Variants in ABCA13 observed in about 807,000 individuals in gnomAD.
The protein encoded by ABCA13 is ATP-binding cassette sub-family A member 13.
A neutral mutation model predicts 478.7 loss-of-function variants in ABCA13; 476 were observed. The ratio of observed to expected loss-of-function variants is 0.99; its 90% CI spans 0.92 to 1.07. ABCA13 has a LOEUF of 1.07. ABCA13 is among the 50% of genes least tolerant of loss of function. The pLI is 0.00. For synonymous variants in ABCA13, 2,252 were observed against 2,158.9 expected, an observed-to-expected ratio of 1.04 and a Z score of -1.20; for missense variants, 6,060 against 5,910.6, an observed-to-expected ratio of 1.03 and a Z score of -0.83.
intron 29 of ABCA13, among the ~76,000 whole-genome samples, chr7:48,340,785 A>G (rs536624563): frequency 2.1e-4 from 32 of 152,294 alleles, no homozygotes; most frequent in African/African-American, 7.5e-4. Flanking sequence ...CTATTCAAAA[A>G]TTAAGATTAT....
At chr7:48,642,493 A>T (rs1795165035) in intron 59 of ABCA13, among the ~76,000 whole-genome samples, 1 of 152,234 alleles carries the variant, frequency 6.6e-6, no homozygotes, top group Non-Finnish European at 1.5e-5. Context: ...CTTAGAAAAG[A>T]TGCTTCAGTG....
intron 43 of ABCA13, among the ~76,000 whole-genome samples, chr7:48,456,825 A>G (rs573498686): frequency 8.6e-5 from 13 of 151,520 alleles, no homozygotes; most frequent in Middle Eastern, 3.4e-3. Context: ...TTTTCCTATT[A>G]TAGGCAATGC....
At position 48,526,225 on chromosome 7, in the gene ABCA13, G is replaced by A. The variant is rs78461999; in HGVS notation, c.14244+1785G>A. Among the ~76,000 whole-genome samples, 654 of 145,936 alleles carry A rather than the reference G, an allele frequency of 4.5e-3. 6 individuals are homozygous for A. The highest frequency in any genetic ancestry group is 8.0e-3 in the South Asian group (38 of 4,776). ...AGCCTCAGGGGAGAAGGAGGGGCCG[G>A]AGACAGCAGGGCAGGAAAAGGTCAG... On this transcript the variant is annotated intron_variant, in intron 54 of 61. Transcript: ENST00000435803.
intron 1 of ABCA13, among the ~76,000 whole-genome samples, chr7:48,192,535 A>G (rs1460846895): frequency 3.3e-5 from 5 of 152,224 alleles, no homozygotes; most frequent in African/African-American, 9.6e-5. Flanking sequence ...ATATGCATAA[A>G]ATGAAGGTAA....
intron 1 of ABCA13, among the ~76,000 whole-genome samples, chr7:48,177,261 A>C (rs1264053136): frequency 6.6e-6 from 1 of 152,232 alleles, no homozygotes; most frequent in Admixed American, 6.5e-5. Context: ...TTACTAAGGG[A>C]ATCAGCAGAT....
Position 48,245,495 on chromosome 7 carries a change from A to G in ABCA13, c.1391-17A>G, listed in dbSNP as rs1791527680. ...ACTTACCTTAGGTGAATAATAATCA[A>G]TTTGTCTACTTTGCAGAAGTCCTCA... On this transcript the variant is annotated splice_polypyrimidine_tract_variant and intron_variant, in intron 11 of 61. Coordinates refer to ENST00000435803, the MANE Select transcript of ABCA13 (RefSeq NM_152701.5). 2.5e-6 allele frequency: 4 copies of G among 1,595,054 alleles called. No individual in the cohort carries two copies. Among genetic ancestry groups the G allele is most frequent in the Non-Finnish European group, 3.4e-6 (4 of 1,170,006 alleles).
rs1269354600 is a variant in ABCA13 at position 48,389,206 on chromosome 7, G to A, written c.11640G>A (p.Gly3880=). The A allele has an allele frequency of 6.2e-7, 1 of 1,613,420 alleles. No homozygotes were observed. Among genetic ancestry groups the A allele is most frequent in the Non-Finnish European group, 8.5e-7 (1 of 1,179,606 alleles). Residue 3880 remains glycine (G), a synonymous_variant, in exon 37 of 62, where the codon GGG becomes GGA. Coordinates refer to ENST00000435803, the MANE Select transcript of ABCA13 (RefSeq NM_152701.5). The part of the protein sequence containing the change: ...ITALLGTNGA[G]KTTIISMLTG... ...CCCTGCTGGGGACAAACGGTGCCGG[G>A]AAAACCACTATCATGTGGGTCCCAT... is the stretch of plus-strand genomic sequence containing the variant.
intron 15 of ABCA13, among the ~76,000 whole-genome samples, chr7:48,250,969 C>T (rs747035441): frequency 2.0e-4 from 30 of 152,248 alleles, no homozygotes; most frequent in Non-Finnish European, 3.7e-4. Context: ...GTGGCTATTA[C>T]GACCTTGCCT....
chr7:48,514,055 A>C (rs367860344), intron 51 of ABCA13, among the ~76,000 whole-genome samples: 29 of 152,226 alleles, frequency 1.9e-4, no homozygotes, highest in African/African-American at 6.0e-4. Flanking sequence ...CTAGATACAG[A>C]TCCTGAACCA....
At chr7:48,383,244 T>C (rs1814669131) in intron 35 of ABCA13, among the ~76,000 whole-genome samples, 1 of 152,246 alleles carries the variant, frequency 6.6e-6, no homozygotes, top group Non-Finnish European at 1.5e-5. Context: ...CCTGACATTG[T>C]TGCAGTTGTC....
intron 55 of ABCA13, among the ~76,000 whole-genome samples, chr7:48,566,846 A>G (rs1787119830): frequency 6.6e-6 from 1 of 152,190 alleles, no homozygotes; most frequent in African/African-American, 2.4e-5. Flanking sequence ...AAATCACAGT[A>G]CAGTTTGACT....
At chr7:48,515,565 A>G (rs778865007) in intron 51 of ABCA13, among the ~76,000 whole-genome samples, 45 of 152,322 alleles carry the variant, frequency 3.0e-4, no homozygotes, top group Admixed American at 1.1e-3. Flanking sequence ...TTGGGGCCAC[A>G]TGGAAATGAA....
intron 48 of ABCA13, among the ~76,000 whole-genome samples, chr7:48,505,411 G>A (rs1831115038): frequency 6.6e-6 from 1 of 152,062 alleles, no homozygotes; most frequent in African/African-American, 2.4e-5. Flanking sequence ...AAGCAGTGCC[G>A]ATAAGATAAT....
At chr7:48,439,493 G>C (rs1823292897) in intron 42 of ABCA13, among the ~76,000 whole-genome samples, 1 of 152,104 alleles carries the variant, frequency 6.6e-6, no homozygotes, top group Non-Finnish European at 1.5e-5. Context: ...AACCGAAAGA[G>C]AAAATAATGT....
Position 48,643,335 on chromosome 7 carries a change from A to G in ABCA13, c.14885A>G (p.Asn4962Ser). 1 of 1,613,588 alleles carries G rather than the reference A, an allele frequency of 6.2e-7. No individual in the cohort carries two copies. Reference sequence around the variant, plus strand: ...AAAGTTTGGCTCTGTAAGGAAGCAAATCAACATTGCACTGTTTCTGACCAC... The same window carrying G: ...AAAGTTTGGCTCTGTAAGGAAGCAAGTCAACATTGCACTGTTTCTGACCAC... ...TVKVWLCKEANQHCTVSDHLK... is the reference protein window; with the variant it reads ...TVKVWLCKEASQHCTVSDHLK... The change falls in exon 60 of 62, where the codon AAT becomes AGT. Residue 4962 changes from asparagine (N) to serine (S), a missense_variant. By Grantham distance (46) the Asn-to-Ser change is conservative. Coordinates refer to ENST00000435803, the MANE Select transcript of ABCA13 (RefSeq NM_152701.5).
At chr7:48,312,196 A>G (rs1004999818) in intron 24 of ABCA13, among the ~76,000 whole-genome samples, 3 of 152,200 alleles carry the variant, frequency 2.0e-5, no homozygotes, top group African/African-American at 7.2e-5. Context: ...CAAAAATAAG[A>G]AGCAGTGACA....
intron 48 of ABCA13, among the ~76,000 whole-genome samples, chr7:48,491,889 C>T (rs982576667): frequency 1.3e-5 from 2 of 152,152 alleles, no homozygotes; most frequent in Admixed American, 1.3e-4. Flanking sequence ...CCCATGAAAA[C>T]AGAAGCTGTG....
intron 15 of ABCA13, among the ~76,000 whole-genome samples, chr7:48,261,218 C>A (rs950128362): frequency 4.6e-5 from 7 of 151,830 alleles, no homozygotes; most frequent in African/African-American, 7.2e-5. Context: ...TATTTATCTC[C>A]TGTCTTCAAA....
chr7:48,554,517 T>C (rs1290093467), intron 55 of ABCA13, among the ~76,000 whole-genome samples: 1 of 151,880 alleles, frequency 6.6e-6, no homozygotes, highest in African/African-American at 2.4e-5. Flanking sequence ...TGTTTTGCCA[T>C]TTTTATTGTA....
Sources: gnomAD v4.1 joint callset for allele counts (sites outside exome capture counted in the v4.1 genomes callset) on GRCh38, gnomAD v4.1.1 for gene constraint, MANE v1.5 for transcripts, NCBI Gene and HGNC (gene_info 2026-07-23, HGNC 2026-07-21) for gene names.